The following DSCAM variants were observed in gnomAD, a reference collection of about 807,000 sequenced individuals.
The protein encoded by DSCAM is cell adhesion molecule DSCAM.
DSCAM carries 47 observed loss-of-function variants against 217.7 expected under a neutral mutation model. The ratio of observed to expected loss-of-function variants is 0.22; its 90% confidence interval spans 0.17 to 0.28. The LOEUF is 0.28. DSCAM is among the 10% of genes least tolerant of loss of function. The pLI is 1.00. For missense variants in DSCAM, 2,080 were observed against 2,618.3 expected (o/e 0.79, Z 4.49); for synonymous variants, 1,056 against 1,015.3 (o/e 1.04, Z -0.76).
intron 1 of DSCAM, among the ~76,000 whole-genome samples, chr21:40,728,429 T>C (rs1297912765): frequency 6.6e-6 from 1 of 152,068 alleles, no homozygotes; most frequent in Admixed American, 6.5e-5. Flanking sequence ...CTTTTTTTTT[T>C]TTATTTTGAG....
At chr21:40,812,776 G>A (rs1030676351) in intron 1 of DSCAM, among the ~76,000 whole-genome samples, 16 of 152,186 alleles carry the variant, frequency 1.1e-4, no homozygotes, top group African/African-American at 3.6e-4. Context: ...GAACTTTAAG[G>A]AATTCACTTA....
chr21:40,169,238 G>A (rs1414298610), intron 15 of DSCAM, among the ~76,000 whole-genome samples: 1 of 152,096 alleles, frequency 6.6e-6, no homozygotes, highest in Non-Finnish European at 1.5e-5. Flanking sequence ...GGCAGACACA[G>A]GTAAACTTAC....
intron 11 of DSCAM, among the ~76,000 whole-genome samples, chr21:40,263,030 C>T (rs2073474921): frequency 6.6e-6 from 1 of 152,150 alleles, no homozygotes; most frequent in Non-Finnish European, 1.5e-5. Flanking sequence ...TTAGGCTATA[C>T]AAATAAAAGA....
At chr21:40,801,151 C>G (rs974806891) in intron 1 of DSCAM, among the ~76,000 whole-genome samples, 1 of 151,970 alleles carries the variant, frequency 6.6e-6, no homozygotes, top group South Asian at 2.1e-4. Context: ...CAGGGTTTCA[C>G]CATGTTGGCC....
chr21:40,142,494 G>C (rs11701139), intron 18 of DSCAM, 64 bp downstream of exon 18: 849,950 of 1,585,448 alleles, frequency 0.54, 236,905 homozygotes, highest in South Asian at 0.58. Context: ...AACTAGGAGG[G>C]GTCTGCAAAT....
At chr21:40,173,650 A>G (rs1380667198) in intron 15 of DSCAM, among the ~76,000 whole-genome samples, 1 of 152,044 alleles carries the variant, frequency 6.6e-6, no homozygotes, top group Non-Finnish European at 1.5e-5. Flanking sequence ...TTTGCTTCAC[A>G]TGCTCCTGAC....
chr21:40,499,157 G>A (rs1369940845), intron 3 of DSCAM, among the ~76,000 whole-genome samples: 1 of 152,060 alleles, frequency 6.6e-6, no homozygotes, highest in Non-Finnish European at 1.5e-5. Flanking sequence ...TGAAATAAGT[G>A]TATGAATACT....
At chr21:40,622,458 G>A (rs764489719) in intron 3 of DSCAM, among the ~76,000 whole-genome samples, 13 of 151,730 alleles carry the variant, frequency 8.6e-5, no homozygotes, top group Admixed American at 3.9e-4. Flanking sequence ...CCTCCCCACC[G>A]ACACCATTCC....
chr21:40,061,823 G>A (rs1415626137), intron 28 of DSCAM, among the ~76,000 whole-genome samples: 1 of 152,120 alleles, frequency 6.6e-6, no homozygotes, highest in Non-Finnish European at 1.5e-5. Flanking sequence ...AAATGTGTTG[G>A]TGATGGGAGT....
chr21:40,478,710 G>C (rs2075957831), intron 3 of DSCAM, among the ~76,000 whole-genome samples: 2 of 152,108 alleles, frequency 1.3e-5, no homozygotes, highest in Non-Finnish European at 2.9e-5. Context: ...TAATTACAAT[G>C]ACTGCAACAA....
chr21:40,823,290 C>T (rs1387104664), intron 1 of DSCAM, among the ~76,000 whole-genome samples: 1 of 148,148 alleles, frequency 6.8e-6, no homozygotes, highest in Non-Finnish European at 1.5e-5. Flanking sequence ...AACAGATAAA[C>T]CATAAAAAAA....
intron 3 of DSCAM, among the ~76,000 whole-genome samples, chr21:40,465,880 TA>T (rs113912367): frequency 0.22 from 32,311 of 145,670 alleles, 4,186 homozygotes; most frequent in African/African-American, 0.37. Flanking sequence ...ACACGTTTGG[TA>T]AAAAAAAAAA....
intron 3 of DSCAM, among the ~76,000 whole-genome samples, chr21:40,532,757 G>A (rs1333289825): frequency 6.6e-6 from 1 of 152,136 alleles, no homozygotes; most frequent in Non-Finnish European, 1.5e-5. Context: ...GGGGGAGAGA[G>A]AGCATGGGGT....
chr21:40,088,807 TAG>T (rs1466415998), intron 21 of DSCAM, among the ~76,000 whole-genome samples: 1 of 152,206 alleles, frequency 6.6e-6, no homozygotes, highest in African/African-American at 2.4e-5. Flanking sequence ...GAAATTCAGC[TAG>T]AGTTAGGGGC....
intron 1 of DSCAM, among the ~76,000 whole-genome samples, chr21:40,818,218 C>T (rs565210280): frequency 2.0e-5 from 3 of 151,622 alleles, no homozygotes; most frequent in Non-Finnish European, 4.4e-5. Flanking sequence ...GGAGGCACCC[C>T]GCCCCCATGC....
At chr21:40,322,468 T>C (rs2074269889) in intron 8 of DSCAM, among the ~76,000 whole-genome samples, 1 of 152,190 alleles carries the variant, frequency 6.6e-6, no homozygotes, top group African/African-American at 2.4e-5. Context: ...CTGTAATATT[T>C]CTCATTTCTA....
chr21:40,732,682 G>A (rs2091024727), intron 1 of DSCAM, among the ~76,000 whole-genome samples: 1 of 152,222 alleles, frequency 6.6e-6, no homozygotes, highest in Non-Finnish European at 1.5e-5. Context: ...TTAGCTACTT[G>A]TATCATAAAA....
At chr21:40,049,071 T>G (rs2088887958) in intron 30 of DSCAM, among the ~76,000 whole-genome samples, 1 of 152,188 alleles carries the variant, frequency 6.6e-6, no homozygotes, top group South Asian at 2.1e-4. Flanking sequence ...CAGAGACTGA[T>G]GCATGCATTT....
chr21:40,090,047 T>TC (rs1347011806), intron 21 of DSCAM, among the ~76,000 whole-genome samples: 6 of 152,066 alleles, frequency 3.9e-5, no homozygotes, highest in Admixed American at 3.9e-4. Context: ...CTTCTGGGCT[T>TC]CCCTCCACTA....
Sources: allele counts gnomAD v4.1 joint callset (sites outside exome capture counted in the v4.1 genomes callset), GRCh38; gene constraint gnomAD v4.1.1; transcripts MANE v1.5; gene names NCBI Gene and HGNC (gene_info 2026-07-23, HGNC 2026-07-21).